The following CSMD1 variants were observed in gnomAD, a reference collection of about 807,000 sequenced individuals.
CSMD1 encodes the protein CUB and Sushi multiple domains 1.
Under a neutral mutation model 417.5 loss-of-function variants are expected in CSMD1, and 213 were observed. The observed-to-expected ratio is 0.51, with a 90% CI of 0.46 to 0.57. CSMD1 has a LOEUF of 0.57. Among genes scored for constraint, CSMD1 ranks in the 20% least tolerant of loss-of-function variants. The pLI is 0.00. For synonymous variants in CSMD1, 2,862 were observed against 1,736.8 expected, an observed-to-expected ratio of 1.65 and a Z score of -16.11; for missense variants, 6,923 against 4,529.7, an observed-to-expected ratio of 1.53 and a Z score of -15.17.
chr8:4,510,390 TAAAAAAA>T (rs34791623), intron 2 of CSMD1, among the ~76,000 whole-genome samples: 8,498 of 53,614 alleles, frequency 0.16, 127 homozygotes, highest in East Asian at 0.21. Context: ...GCATAATGCC[TAAAAAAA>T]AAAAAAAAAA....
chr8:4,394,506 G>A lies in CSMD1; in HGVS notation c.415+25447C>T, dbSNP rs546533375. ...TTCTGAAATACCTCTGGGTGTGAAT[G>A]AGTGAGATGAGGCGCTCATTCAGCC... On this transcript the variant is annotated intron_variant, in intron 3 of 69. Coordinates refer to ENST00000635120, the MANE Select transcript of CSMD1 (RefSeq NM_033225.6). Among the ~76,000 whole-genome samples the A allele has an allele frequency of 1.9e-4, 29 of 152,276 alleles. No homozygotes were observed. In the East Asian group the frequency reaches 4.6e-3, roughly 24 times the overall value.
chr8:4,454,568 C>G (rs1799355607), intron 2 of CSMD1, among the ~76,000 whole-genome samples: 1 of 152,136 alleles, frequency 6.6e-6, no homozygotes, highest in African/African-American at 2.4e-5. Flanking sequence ...ACAGAGTAGA[C>G]CCAATGCAGC....
chr8:3,572,517 A>G (rs1799987451), intron 10 of CSMD1, among the ~76,000 whole-genome samples: 1 of 152,202 alleles, frequency 6.6e-6, no homozygotes, highest in Non-Finnish European at 1.5e-5. Flanking sequence ...AATTTGTGAT[A>G]GATTCATGCA....
chr8:4,185,463 C>A (rs1014740657), intron 3 of CSMD1, among the ~76,000 whole-genome samples: 1 of 152,070 alleles, frequency 6.6e-6, no homozygotes, highest in Non-Finnish European at 1.5e-5. Context: ...CAGCATACAC[C>A]ATACAGACTC....
rs564948104 is a variant in CSMD1, at chr8:3,366,485, A to G, written c.3115+547T>C. Among the ~76,000 whole-genome samples, 11 of 152,296 alleles carry G rather than the reference A, an allele frequency of 7.2e-5. No individual in the cohort carries two copies. In the South Asian group the frequency reaches 2.3e-3, roughly 32 times the overall value. On this transcript the variant is annotated intron_variant, in intron 20 of 69. Coordinates refer to ENST00000635120, the MANE Select transcript of CSMD1 (RefSeq NM_033225.6). ...CATAAACCTTATGCAAATATTATCT[A>G]TATATTATCATTAAAAATAAAGATG...
At chr8:3,404,615 T>A (rs1479229208) in intron 15 of CSMD1, among the ~76,000 whole-genome samples, 1 of 152,154 alleles carries the variant, frequency 6.6e-6, no homozygotes, top group Non-Finnish European at 1.5e-5. Flanking sequence ...TATTCACTTA[T>A]TAAAAATAAA....
intron 2 of CSMD1, among the ~76,000 whole-genome samples, chr8:4,550,816 A>G (rs1797838814): frequency 6.6e-6 from 1 of 152,162 alleles, no homozygotes; most frequent in Admixed American, 6.5e-5. Flanking sequence ...ACCACCACCA[A>G]TTGGTCCAAG....
chr8:4,581,767 G>A (rs370545438), intron 2 of CSMD1, among the ~76,000 whole-genome samples: 2 of 152,104 alleles, frequency 1.3e-5, no homozygotes, highest in East Asian at 1.9e-4. Context: ...GACCATCTTG[G>A]CAGACAATTG....
chr8:4,168,145 AT>A (rs1797559452), intron 3 of CSMD1, among the ~76,000 whole-genome samples: 1 of 8,678 alleles, frequency 1.2e-4, no homozygotes, highest in African/African-American at 1.4e-4. Context: ...AAAAAAAAAT[AT>A]ACACACACAC....
At chr8:4,980,466 G>A (rs1175003519) in intron 1 of CSMD1, among the ~76,000 whole-genome samples, 3 of 152,226 alleles carry the variant, frequency 2.0e-5, no homozygotes, top group South Asian at 2.1e-4. Flanking sequence ...CAAGAGGCCT[G>A]TGGGCCTCCT....
At chr8:3,818,971 T>G (rs910013093) in intron 5 of CSMD1, among the ~76,000 whole-genome samples, 1 of 152,194 alleles carries the variant, frequency 6.6e-6, no homozygotes, top group African/African-American at 2.4e-5. Flanking sequence ...TTGACAAACT[T>G]CAAAAGAGAG....
At chr8:3,158,390 T>A (rs976600180) in intron 38 of CSMD1, among the ~76,000 whole-genome samples, 2 of 152,118 alleles carry the variant, frequency 1.3e-5, no homozygotes, top group African/African-American at 4.8e-5. Flanking sequence ...AAAGTCTGCT[T>A]ATGGAGAGGT....
intron 5 of CSMD1, among the ~76,000 whole-genome samples, chr8:3,792,315 C>T (rs1462542166): frequency 6.6e-6 from 1 of 152,012 alleles, no homozygotes; most frequent in African/African-American, 2.4e-5. Flanking sequence ...AAAAAAACTT[C>T]CTGGGAGATA....
Position 2,963,385 on chromosome 8 carries a change from A to G in CSMD1, c.9291T>C (p.Cys3097=). ...PSKPVCKAVL[C]PQPPPVQNGT... ...CATTCTGCACCGGCGGCGGCTGAGG[A>G]CACAGCACGGCTATTTCCAAAGAAC... The change falls in exon 60 of 70, where the codon TGT becomes TGC. Residue 3097 remains cysteine (C), a synonymous_variant. Transcript: ENST00000635120. The G allele has an allele frequency of 6.2e-7, 1 of 1,613,894 alleles. No homozygotes were observed. Among genetic ancestry groups the G allele is most frequent in the Non-Finnish European group, 8.5e-7 (1 of 1,179,810 alleles).
intron 10 of CSMD1, among the ~76,000 whole-genome samples, chr8:3,506,507 T>C (rs900617392): frequency 6.6e-6 from 1 of 152,216 alleles, no homozygotes; most frequent in African/African-American, 2.4e-5. Context: ...CTTCCAATAA[T>C]GCTCTATGGA....
chr8:3,307,922 C>G, intron 24 of CSMD1, 101 bp from the exon 25 acceptor site: 1 of 1,280,808 alleles, frequency 7.8e-7, no homozygotes, highest in Non-Finnish European at 1.1e-6. Context: ...GCATTATATA[C>G]ATAGAGAAAA....
intron 3 of CSMD1, among the ~76,000 whole-genome samples, chr8:4,232,803 T>C (rs1004700707): frequency 6.6e-6 from 1 of 152,220 alleles, no homozygotes; most frequent in Non-Finnish European, 1.5e-5. Flanking sequence ...GAATGTCAGG[T>C]GCCTCGAAAT....
chr8:3,649,049 C>G (rs908872410), intron 7 of CSMD1, among the ~76,000 whole-genome samples: 45 of 152,148 alleles, frequency 3.0e-4, no homozygotes, highest in African/African-American at 1.0e-3. Context: ...AATGGAAGAA[C>G]AAGATTTAAA....
chr8:4,859,206 T>C (rs1379682179), intron 1 of CSMD1, among the ~76,000 whole-genome samples: 2 of 151,876 alleles, frequency 1.3e-5, no homozygotes, highest in Non-Finnish European at 2.9e-5. Context: ...GAAAACTGGC[T>C]AGCCATATGT....
Sources: allele counts gnomAD v4.1 joint callset (sites outside exome capture counted in the v4.1 genomes callset), GRCh38; gene constraint gnomAD v4.1.1; transcripts MANE v1.5; gene names NCBI Gene and HGNC (gene_info 2026-07-23, HGNC 2026-07-21).